The following TRIM24 variants were observed in gnomAD, a reference collection of about 807,000 sequenced individuals.
The protein encoded by TRIM24 is tripartite motif containing 24.
A neutral mutation model predicts 123.9 loss-of-function variants in TRIM24; 29 were observed. That is an observed-to-expected ratio of 0.23 (90% CI 0.17 to 0.32). The LOEUF is 0.32. Among genes scored for constraint, TRIM24 ranks in the 10% least tolerant of loss-of-function variants. The probability of loss-of-function intolerance (pLI) is 1.00; values close to 1 mark genes in which losing one functional copy is unlikely to be tolerated. For synonymous variants in TRIM24, 456 were observed against 461.1 expected, an observed-to-expected ratio of 0.99 and a Z score of 0.14; for missense variants, 932 against 1,295.3, an observed-to-expected ratio of 0.72 and a Z score of 4.31.
At position 138,525,478 on chromosome 7, in the gene TRIM24, C is replaced by T. The variant is rs80199456; in HGVS notation, c.881+121C>T. The T allele has an allele frequency of 9.8e-3, 4,285 of 437,338 alleles. 134 individuals are homozygous for T. Among genetic ancestry groups the T allele is most frequent in the African/African-American group, 0.073 (3,584 of 48,782 alleles). The allele number at this position is 437,338 out of a possible 1,614,324, so 27.1% of individuals were successfully genotyped here. The stretch of plus-strand genomic sequence containing the variant: ...GTTAGATGACTGCAATAACACATGA[C>T]TGATAAGACTTTCCCAGAAACTTAG... On this transcript the variant is annotated intron_variant, in intron 5 of 18. Coordinates refer to ENST00000343526, the MANE Select transcript of TRIM24 (RefSeq NM_015905.3).
rs1315152050 is a variant in TRIM24, at chr7:138,586,262, GTTAATCTGTAT to G, written c.*1315_*1325del. On this transcript the variant is annotated 3_prime_UTR_variant, in exon 19 of 19. Transcript: ENST00000343526. ...CACAATATCTAAATGGTTTGCCGAAGTTAATCTGTATTTATAAAACATTAACTGGAGTAAAT... is the reference window on the plus strand; with the variant it reads ...CACAATATCTAAATGGTTTGCCGAAGTTATAAAACATTAACTGGAGTAAAT... The G allele has an allele frequency of 1.6e-4, 28 of 170,576 alleles. No individual in the cohort carries two copies. The highest frequency in any genetic ancestry group is 3.2e-4 in the Non-Finnish European group (25 of 78,962). The allele number at this position is 170,576 out of a possible 1,614,324, so 10.6% of individuals were successfully genotyped here. A position where few individuals can be genotyped will look rare whatever the true frequency, so the allele number is the denominator to read the frequency against.
chr7:138,565,036 C>G (rs1797506921), intron 9 of TRIM24, among the ~76,000 whole-genome samples: 1 of 152,130 alleles, frequency 6.6e-6, no homozygotes, highest in South Asian at 2.1e-4. Flanking sequence ...GGGCACCTCC[C>G]TAAGCCATAT....
chr7:138,496,293 T>C (rs1231565414), intron 1 of TRIM24, among the ~76,000 whole-genome samples: 1 of 152,254 alleles, frequency 6.6e-6, no homozygotes, highest in African/African-American at 2.4e-5. Flanking sequence ...ATACATGTCC[T>C]GCATATCTTT....
intron 1 of TRIM24, among the ~76,000 whole-genome samples, chr7:138,475,897 T>C (rs150908940): frequency 6.6e-6 from 1 of 152,120 alleles, no homozygotes; most frequent in Non-Finnish European, 1.5e-5. Context: ...CAGACAAATA[T>C]AATAAAAAGG....
chr7:138,489,023 T>C (rs1795719099), intron 1 of TRIM24, among the ~76,000 whole-genome samples: 1 of 152,220 alleles, frequency 6.6e-6, no homozygotes, highest in African/African-American at 2.4e-5. Flanking sequence ...TGTATGAATC[T>C]GGGTGCTCCT....
intron 5 of TRIM24, among the ~76,000 whole-genome samples, chr7:138,527,410 G>A (rs953417940): frequency 6.6e-6 from 1 of 152,168 alleles, no homozygotes; most frequent in Non-Finnish European, 1.5e-5. Flanking sequence ...GATTATAAAA[G>A]GGTACATTTA....
intron 12 of TRIM24, among the ~76,000 whole-genome samples, chr7:138,574,288 AC>A (rs1199135087): frequency 6.6e-6 from 1 of 152,158 alleles, no homozygotes; most frequent in Non-Finnish European, 1.5e-5. Context: ...TGACATACCT[AC>A]TCATTTCCTC....
Position 138,504,330 on chromosome 7 carries a change from A to G in TRIM24, c.405A>G (p.Ala135=), listed in dbSNP as rs1220843272. The G allele has an allele frequency of 6.2e-7, 1 of 1,601,612 alleles. No homozygotes were observed. The highest frequency in any genetic ancestry group is 8.5e-7 in the Non-Finnish European group (1 of 1,175,236). The part of the protein sequence containing the change: ...IRCPVCSQEC[A]ERHIIDNFFV... ...GCCCAGTTTGCAGCCAAGAATGTGCAGAGAGACACATCATAGATAACTTTT... is the reference window on the plus strand; with the variant it reads ...GCCCAGTTTGCAGCCAAGAATGTGCGGAGAGACACATCATAGATAACTTTT... Residue 135 remains alanine (A), a synonymous_variant, in exon 2 of 19, where the codon GCA becomes GCG. Transcript: ENST00000343526.
chr7:138,466,462 G>GTTTTTTTTTT (rs1563020272), intron 1 of TRIM24, among the ~76,000 whole-genome samples: 13 of 32,658 alleles, frequency 4.0e-4, no homozygotes, highest in Admixed American at 1.3e-3. Flanking sequence ...AACTTAAGTT[G>GTTTTTTTTTT]CTTTTTTTTT....
intron 1 of TRIM24, among the ~76,000 whole-genome samples, chr7:138,476,403 A>G (rs907603964): frequency 6.6e-6 from 1 of 151,794 alleles, no homozygotes; most frequent in Non-Finnish European, 1.5e-5. Context: ...GACCAGCCTG[A>G]CCAACATGGT....
chr7:138,518,793 G>A (rs761498350), intron 3 of TRIM24, among the ~76,000 whole-genome samples: 9 of 152,084 alleles, frequency 5.9e-5, no homozygotes, highest in Non-Finnish European at 2.9e-5. Context: ...GGGCCACTGT[G>A]CCAGGCTTGA....
At chr7:138,509,977 G>T (rs979354680) in intron 2 of TRIM24, among the ~76,000 whole-genome samples, 1 of 152,184 alleles carries the variant, frequency 6.6e-6, no homozygotes, top group Non-Finnish European at 1.5e-5. Flanking sequence ...CTGACGGGCA[G>T]AAGTAGTGGT....
In TRIM24 at chr7:138,529,155, G is replaced by A; in HGVS notation, c.921G>A (p.Gln307=). ...ATCAAAATCAAAAGCAGGTGGAACAGGATATTAAAGTTGCTATATTTACAC... is the reference window on the plus strand; with the variant it reads ...ATCAAAATCAAAAGCAGGTGGAACAAGATATTAAAGTTGCTATATTTACAC... ...EVNQNQKQVE[Q]DIKVAIFTLM... Residue 307 remains glutamine, a synonymous_variant, in exon 6 of 19, where the codon CAG becomes CAA. Transcript: ENST00000343526. 6.4e-7 allele frequency: 1 copy of A among 1,574,428 alleles called. No homozygotes were observed. The highest frequency in any genetic ancestry group is 8.6e-7 in the Non-Finnish European group (1 of 1,164,698).
chr7:138,473,450 G>A lies in TRIM24; in HGVS notation c.364+12538G>A, dbSNP rs539738394. On this transcript the variant is annotated intron_variant, in intron 1 of 18. Transcript: ENST00000343526. ...ATTGTCTTTCTGTCCCGTTGTTAGTGTTGGCCTTGATCACTTGTTTAAGGT... is the reference window on the plus strand; with the variant it reads ...ATTGTCTTTCTGTCCCGTTGTTAGTATTGGCCTTGATCACTTGTTTAAGGT... Among the ~76,000 whole-genome samples, 7 of 152,274 alleles carry A rather than the reference G, an allele frequency of 4.6e-5. 1 individual carries two copies. The South Asian group carries it at 1.5e-3, about 32-fold the overall frequency.
chr7:138,493,960 A>ATTG (rs533830364), intron 1 of TRIM24, among the ~76,000 whole-genome samples: 58 of 151,748 alleles, frequency 3.8e-4, no homozygotes, highest in South Asian at 1.5e-3. Context: ...CTGTTTTATT[A>ATTG]TTGTTGTTGT....
chr7:138,553,681 G>A (rs1797258006), intron 8 of TRIM24, among the ~76,000 whole-genome samples: 1 of 152,176 alleles, frequency 6.6e-6, no homozygotes, highest in Non-Finnish European at 1.5e-5. Flanking sequence ...TAAAGATTCA[G>A]AAATACTTTT....
intron 7 of TRIM24, among the ~76,000 whole-genome samples, chr7:138,539,235 A>AT (rs1796953198): frequency 6.6e-6 from 1 of 152,160 alleles, no homozygotes; most frequent in Non-Finnish European, 1.5e-5. Context: ...ACATCACACA[A>AT]TATGAGGTAT....
intron 7 of TRIM24, among the ~76,000 whole-genome samples, chr7:138,542,863 T>C (rs937309190): frequency 2.6e-5 from 4 of 152,248 alleles, no homozygotes; most frequent in Non-Finnish European, 5.9e-5. Flanking sequence ...TCTTAGGATT[T>C]GTTTTCCTTT....
rs1554436660 is a variant in TRIM24, at chr7:138,508,700, C to CGTGTGTGT, written c.483+4299_483+4300insTGTGTGTG. ...GTGTGTGTGTGTGTGTGTGCGCGCG[C>CGTGTGTGT]GTGTGTGCGTGTGTGTGTGCGTGTG... On this transcript the variant is annotated intron_variant, in intron 2 of 18. Coordinates refer to ENST00000343526, the MANE Select transcript of TRIM24 (RefSeq NM_015905.3). 6.3e-3 allele frequency among the ~76,000 whole-genome samples: 224 copies of CGTGTGTGT among 35,544 alleles called. 1 individual carries two copies. Among genetic ancestry groups the CGTGTGTGT allele is most frequent in the African/African-American group, 0.014 (192 of 13,814 alleles). 23.3% of individuals were successfully genotyped at this position (35,544 alleles called of 152,430 possible).
Sources: gnomAD v4.1 joint callset for allele counts (sites outside exome capture counted in the v4.1 genomes callset) on GRCh38, gnomAD v4.1.1 for gene constraint, MANE v1.5 for transcripts, NCBI Gene and HGNC (gene_info 2026-07-23, HGNC 2026-07-21) for gene names.